The following MEI4 variants were observed in gnomAD, a reference collection of about 807,000 sequenced individuals.
MEI4 encodes the protein meiosis-specific protein MEI4.
A neutral mutation model predicts 31.4 loss-of-function variants in MEI4; 27 were observed. That is an observed-to-expected ratio of 0.86 (90% confidence interval 0.63 to 1.19). The LOEUF (loss-of-function observed/expected upper bound fraction) is 1.19, where lower values mean the gene tolerates loss of function less well. Ranked by LOEUF, MEI4 falls within the 50% of genes most tolerant of loss-of-function variation. The pLI is 0.00. For missense variants in MEI4, 329 were observed against 398.9 expected, an observed-to-expected ratio of 0.82 and a Z score of 1.49; for synonymous variants, 122 against 145.4, an observed-to-expected ratio of 0.84 and a Z score of 1.16.
intron 2 of MEI4, among the ~76,000 whole-genome samples, chr6:77,759,400 A>T (rs1396437111): frequency 6.6e-6 from 1 of 152,068 alleles, no homozygotes; most frequent in African/African-American, 2.4e-5. Context: ...CCTAAAATGC[A>T]TTTTCAGTCT....
chr6:77,733,425 G>C (rs4706654), intron 2 of MEI4, among the ~76,000 whole-genome samples: 1 of 151,938 alleles, frequency 6.6e-6, no homozygotes, highest in South Asian at 2.1e-4. Flanking sequence ...AGAGGTGTTC[G>C]TAGTATTCTC....
intron 4 of MEI4, among the ~76,000 whole-genome samples, chr6:77,897,141 C>A (rs921763002): frequency 6.6e-6 from 1 of 151,914 alleles, no homozygotes; most frequent in African/African-American, 2.4e-5. Context: ...AATGACTGAA[C>A]TGGGATTTAA....
At chr6:77,890,412 T>C (rs919863526) in intron 4 of MEI4, among the ~76,000 whole-genome samples, 11 of 152,278 alleles carry the variant, frequency 7.2e-5, no homozygotes, top group African/African-American at 2.6e-4. Context: ...TGTAGCACCT[T>C]TGTTTTGGCC....
intron 2 of MEI4, chr6:77,716,911 C>A: frequency 2.1e-6 from 2 of 952,340 alleles, no homozygotes; most frequent in Non-Finnish European, 2.5e-6. Context: ...AGGTCACTTG[C>A]TTACTCACAG....
chr6:77,815,525 G>T (rs373854020), intron 3 of MEI4, among the ~76,000 whole-genome samples: 26 of 152,172 alleles, frequency 1.7e-4, no homozygotes, highest in Non-Finnish European at 3.1e-4. Context: ...GAAGAATGAT[G>T]AGTTGACTTT....
rs1475613817 is a variant in MEI4, at chr6:77,761,128, A to G, written c.233-2A>G. On this transcript the variant is annotated splice_acceptor_variant, in intron 2 of 4. Transcript: ENST00000684080. LOFTEE classifies it high-confidence loss of function. ...TAATCCTTCTATTCCTTTATTTTTC[A>G]GGATACGTTTCCTCCCAGTTGGAGG... is the stretch of plus-strand genomic sequence containing the variant. 8.1e-7 allele frequency: 1 copy of G among 1,231,746 alleles called. No individual in the cohort carries two copies. The highest frequency in any genetic ancestry group is 1.6e-5 in the African/African-American group (1 of 64,402). The allele number at this position is 1,231,746 out of a possible 1,614,324, so 76.3% of individuals were successfully genotyped here.
At chr6:77,915,857 C>T (rs1326517512) in intron 4 of MEI4, among the ~76,000 whole-genome samples, 3 of 151,820 alleles carry the variant, frequency 2.0e-5, no homozygotes, top group African/African-American at 7.3e-5. Flanking sequence ...TTTTCTCTCC[C>T]TTTTGTTCTC....
chr6:77,868,527 A>ATATATATATATATATATG (rs1443166431), intron 4 of MEI4, among the ~76,000 whole-genome samples: 3 of 141,044 alleles, frequency 2.1e-5, no homozygotes, highest in Non-Finnish European at 3.1e-5. Context: ...ATATATATAT[A>ATATATATATATATATATG]TGCAGATTTC....
chr6:77,859,218 T>C (rs1257897406), intron 4 of MEI4, among the ~76,000 whole-genome samples: 1 of 152,216 alleles, frequency 6.6e-6, no homozygotes, highest in Non-Finnish European at 1.5e-5. Context: ...TATGGCTGCA[T>C]AGTATTCCAT....
intron 3 of MEI4, 134 bp from the exon 4 acceptor site, chr6:77,828,797 T>G (rs1017019117): frequency 1.2e-5 from 7 of 569,138 alleles, no homozygotes; most frequent in African/African-American, 1.2e-4. Context: ...TTTATGGTTG[T>G]TCTTGAGACT....
chr6:77,780,649 G>A (rs1768570427), intron 3 of MEI4, among the ~76,000 whole-genome samples: 1 of 152,052 alleles, frequency 6.6e-6, no homozygotes, highest in South Asian at 2.1e-4. Context: ...TTAATCTACT[G>A]TTTATGTCTT....
At chr6:77,803,803 A>C (rs959566774) in intron 3 of MEI4, among the ~76,000 whole-genome samples, 29 of 152,168 alleles carry the variant, frequency 1.9e-4, no homozygotes, top group African/African-American at 7.0e-4. Context: ...GGTGAACAGC[A>C]AATGTTGCTG....
At chr6:77,892,382 A>C (rs2127732506) in intron 4 of MEI4, among the ~76,000 whole-genome samples, 1 of 152,190 alleles carries the variant, frequency 6.6e-6, no homozygotes, top group Middle Eastern at 3.4e-3. Flanking sequence ...AGGCAGGGTG[A>C]TCCTATCCCC....
chr6:77,729,666 T>G (rs1766920840), intron 2 of MEI4, among the ~76,000 whole-genome samples: 1 of 152,182 alleles, frequency 6.6e-6, no homozygotes, highest in Non-Finnish European at 1.5e-5. Flanking sequence ...CACCCCCTTT[T>G]TATTCAGCAT....
intron 2 of MEI4, among the ~76,000 whole-genome samples, chr6:77,700,964 AAAGG>A (rs1229369893): frequency 1.3e-5 from 2 of 150,068 alleles, no homozygotes; most frequent in East Asian, 1.9e-4. Context: ...AGGAAAGTAG[AAAGG>A]AAGGAAGGAA....
At chr6:77,725,046 T>A (rs1190428707) in intron 2 of MEI4, among the ~76,000 whole-genome samples, 3 of 126,700 alleles carry the variant, frequency 2.4e-5, no homozygotes, top group Non-Finnish European at 3.4e-5. Context: ...GATATTACCC[T>A]TCCTACCTGC....
At chr6:77,696,946 C>A (rs922494297) in intron 2 of MEI4, among the ~76,000 whole-genome samples, 1 of 152,114 alleles carries the variant, frequency 6.6e-6, no homozygotes, top group Non-Finnish European at 1.5e-5. Flanking sequence ...ATTTCAGAGC[C>A]TGTTATTGGT....
chr6:77,917,853 C>A (rs932402139), intron 4 of MEI4, among the ~76,000 whole-genome samples: 1 of 147,690 alleles, frequency 6.8e-6, no homozygotes, highest in Admixed American at 6.8e-5. Flanking sequence ...ATGCCTATGT[C>A]CTGAATGGTA....
chr6:77,745,514 A>G (rs1385261823), intron 2 of MEI4, among the ~76,000 whole-genome samples: 1 of 152,226 alleles, frequency 6.6e-6, no homozygotes, highest in Non-Finnish European at 1.5e-5. Context: ...CCCACACATT[A>G]ATAATGGGAG....
Sources: gnomAD v4.1 joint callset for allele counts (sites outside exome capture counted in the v4.1 genomes callset) on GRCh38, gnomAD v4.1.1 for gene constraint, MANE v1.5 for transcripts, NCBI Gene and HGNC (gene_info 2026-07-23, HGNC 2026-07-21) for gene names.